ANK3: variants seen among roughly 807,000 people sequenced by gnomAD.
ANK3 encodes ankyrin 3.
ANK3 carries 57 observed loss-of-function variants against 370.9 expected under a neutral mutation model. That is an observed-to-expected ratio of 0.15 (90% CI 0.12 to 0.19). The LOEUF (loss-of-function observed/expected upper bound fraction) is 0.19. Ranked by LOEUF, ANK3 falls within the 10% of genes least tolerant of loss-of-function variation. The pLI, the probability that ANK3 is intolerant of heterozygous loss-of-function variation, is 1.00. For synonymous variants in ANK3, 1,929 were observed against 1,946.3 expected (o/e 0.99, Z 0.23); for missense variants, 4,439 against 5,302.1 (o/e 0.84, Z 5.06).
At chr10:60,149,666 C>A (rs1054613001) in intron 23 of ANK3, among the ~76,000 whole-genome samples, 3 of 152,190 alleles carry the variant, frequency 2.0e-5, no homozygotes, top group Non-Finnish European at 1.5e-5. Flanking sequence ...TTCCATATGG[C>A]ATGGCAGCTG....
At chr10:60,068,432 T>C (rs1309002582) in intron 37 of ANK3, among the ~76,000 whole-genome samples, 1 of 152,188 alleles carries the variant, frequency 6.6e-6, no homozygotes, top group Non-Finnish European at 1.5e-5. Flanking sequence ...TACCGTGTAG[T>C]TTGATCAAAA....
intron 2 of ANK3, among the ~76,000 whole-genome samples, chr10:60,598,785 G>A (rs1199701421): frequency 6.6e-6 from 1 of 152,154 alleles, no homozygotes; most frequent in Non-Finnish European, 1.5e-5. Flanking sequence ...AATTCATAGT[G>A]AACATTACAT....
intron 12 of ANK3, among the ~76,000 whole-genome samples, chr10:60,201,298 C>T (rs2096669730): frequency 6.6e-6 from 1 of 152,198 alleles, no homozygotes; most frequent in South Asian, 2.1e-4. Context: ...GGTTGTACTG[C>T]TTGGGGCTGC....
chr10:60,417,075 G>A (rs1039307177), intron 2 of ANK3, among the ~76,000 whole-genome samples: 25 of 152,222 alleles, frequency 1.6e-4, no homozygotes, highest in African/African-American at 6.0e-4. Flanking sequence ...GATGAGGCAG[G>A]AAGACCTAAT....
intron 2 of ANK3, among the ~76,000 whole-genome samples, chr10:60,407,027 T>C (rs2063470012): frequency 6.6e-6 from 1 of 152,202 alleles, no homozygotes. Context: ...AAATATATCA[T>C]TTTCCCTGCA....
chr10:60,279,365 A>C (rs538123449), intron 2 of ANK3, among the ~76,000 whole-genome samples, 173 bp downstream of exon 2: 2 of 152,324 alleles, frequency 1.3e-5, no homozygotes, highest in East Asian at 3.9e-4. Flanking sequence ...ATTAATTATT[A>C]AGGGACATAT....
At chr10:60,207,871 G>T (rs1376632431) in intron 10 of ANK3, among the ~76,000 whole-genome samples, 165 bp downstream of exon 10, 1 of 152,130 alleles carries the variant, frequency 6.6e-6, no homozygotes, top group Non-Finnish European at 1.5e-5. Flanking sequence ...GTCAGAAATA[G>T]AAAATTTTGT....
At chr10:60,380,650 C>G (rs1461407220) in intron 1 of ANK3, among the ~76,000 whole-genome samples, 1 of 152,054 alleles carries the variant, frequency 6.6e-6, no homozygotes, top group Non-Finnish European at 1.5e-5. Context: ...AATAACAGGA[C>G]AGGTAAATTC....
At chr10:60,447,920 G>C (rs530252451) in intron 2 of ANK3, among the ~76,000 whole-genome samples, 2 of 152,236 alleles carry the variant, frequency 1.3e-5, no homozygotes, top group Non-Finnish European at 2.9e-5. Flanking sequence ...TTATGGTTTT[G>C]TTCCCCTTAA....
intron 23 of ANK3, among the ~76,000 whole-genome samples, chr10:60,142,265 T>C (rs2288359): frequency 0.85 from 128,791 of 152,112 alleles, 55,442 homozygotes; most frequent in Non-Finnish European, 0.93. Flanking sequence ...GTGTATTCTC[T>C]TGATGGAAAC....
chr10:60,475,602 T>G (rs936865275), intron 2 of ANK3, among the ~76,000 whole-genome samples: 1 of 152,180 alleles, frequency 6.6e-6, no homozygotes, highest in South Asian at 2.1e-4. Flanking sequence ...AAAAGCCAAA[T>G]AGTTTAATTT....
chr10:60,165,695 G>T (rs2095606889), intron 23 of ANK3, among the ~76,000 whole-genome samples: 1 of 152,010 alleles, frequency 6.6e-6, no homozygotes, highest in African/African-American at 2.4e-5. Flanking sequence ...ATTACTTAAA[G>T]GCAAAAAAAG....
chr10:60,128,085 A>C (rs1452576369), intron 25 of ANK3, among the ~76,000 whole-genome samples: 2 of 152,214 alleles, frequency 1.3e-5, no homozygotes, highest in African/African-American at 4.8e-5. Context: ...TAGGATTAGA[A>C]ATAAACGTTA....
chr10:60,451,823 A>G (rs1043732610), intron 2 of ANK3, among the ~76,000 whole-genome samples: 4 of 152,162 alleles, frequency 2.6e-5, no homozygotes, highest in Non-Finnish European at 4.4e-5. Context: ...AGCCTGAGAG[A>G]GAAAAGTCAC....
intron 9 of ANK3, among the ~76,000 whole-genome samples, chr10:60,209,255 T>TA (rs976485898): frequency 6.6e-6 from 1 of 152,156 alleles, no homozygotes; most frequent in African/African-American, 2.4e-5. Flanking sequence ...ATTCAGTTTC[T>TA]AAAAAAATTG....
chr10:60,474,041 G>A (rs2074991386), intron 2 of ANK3, among the ~76,000 whole-genome samples: 1 of 151,700 alleles, frequency 6.6e-6, no homozygotes, highest in African/African-American at 2.4e-5. Context: ...GCTGAGGCGG[G>A]AGGATTGCTT....
intron 8 of ANK3, among the ~76,000 whole-genome samples, chr10:60,222,891 G>A (rs1426601894): frequency 6.6e-6 from 1 of 152,026 alleles, no homozygotes; most frequent in Non-Finnish European, 1.5e-5. Context: ...AAATTAAATG[G>A]AATCTTTCTA....
At chr10:60,430,663 AT>A (rs1466992802) in intron 2 of ANK3, among the ~76,000 whole-genome samples, 1 of 152,098 alleles carries the variant, frequency 6.6e-6, no homozygotes, top group African/African-American at 2.4e-5. Flanking sequence ...ACCCCAGAGA[AT>A]TTTTTTATTA....
intron 2 of ANK3, chr10:60,508,365 C>T (rs1277250197): frequency 6.6e-6 from 1 of 152,586 alleles, no homozygotes; most frequent in Non-Finnish European, 1.5e-5. Context: ...GGTAGAGATG[C>T]TTACTAAACC....
Sources: allele counts gnomAD v4.1 joint callset (sites outside exome capture counted in the v4.1 genomes callset), GRCh38; gene constraint gnomAD v4.1.1; transcripts MANE v1.5; gene names NCBI Gene and HGNC (gene_info 2026-07-23, HGNC 2026-07-21).